Variants in TXNRD2 observed in about 807,000 individuals in gnomAD.
TXNRD2 encodes the protein thioredoxin reductase 2.
TXNRD2 carries 67 observed loss-of-function variants against 70.8 expected under a neutral mutation model. That is an observed-to-expected ratio of 0.95 (90% confidence interval 0.78 to 1.16). The LOEUF (loss-of-function observed/expected upper bound fraction) is 1.16, where lower values mean the gene tolerates loss of function less well. Among genes scored for constraint, TXNRD2 ranks in the 50% most tolerant of loss-of-function variants. The pLI, the probability that TXNRD2 is intolerant of heterozygous loss-of-function variation, is 0.00. For synonymous variants in TXNRD2, 301 were observed against 295.8 expected, an observed-to-expected ratio of 1.02 and a Z score of -0.18; for missense variants, 644 against 719.9, an observed-to-expected ratio of 0.89 and a Z score of 1.21.
chr22:19,883,531 C>G (rs1168005657), intron 11 of TXNRD2, 70 bp from the exon 12 acceptor site: 1 of 1,607,278 alleles, frequency 6.2e-7, no homozygotes, highest in African/African-American at 1.3e-5. Context: ...TGTGTTTAAA[C>G]TGTTTCTCAG....
intron 8 of TXNRD2, chr22:19,911,086 CA>C (rs55813218): frequency 1.1e-3 from 434 of 386,306 alleles, no homozygotes; most frequent in East Asian, 2.3e-3. Flanking sequence ...AAAAAAAAGC[CA>C]AAAAAAAAAC....
intron 11 of TXNRD2, among the ~76,000 whole-genome samples, chr22:19,893,690 G>A (rs1939365339): frequency 6.6e-6 from 1 of 152,266 alleles, no homozygotes; most frequent in Non-Finnish European, 1.5e-5. Flanking sequence ...CAGAGAGCAA[G>A]AAGGTGAGAC....
intron 8 of TXNRD2, among the ~76,000 whole-genome samples, chr22:19,907,026 A>G (rs1336332772): frequency 5.5e-5 from 3 of 54,804 alleles, no homozygotes; most frequent in East Asian, 5.2e-4. Context: ...GCGCACCGTA[A>G]GTAGCAGTGA....
intron 8 of TXNRD2, among the ~76,000 whole-genome samples, chr22:19,901,507 G>A (rs1230558861): frequency 6.6e-6 from 1 of 152,202 alleles, no homozygotes; most frequent in Admixed American, 6.5e-5. Context: ...TTGTTGTCAT[G>A]AGCAAGGATT....
chr22:19,902,903 C>T (rs530802367), intron 8 of TXNRD2: 1 of 516,870 alleles, frequency 1.9e-6, no homozygotes, highest in South Asian at 1.4e-5. Flanking sequence ...CCCTCTTGTG[C>T]TTAGGAAGAG....
intron 8 of TXNRD2, among the ~76,000 whole-genome samples, chr22:19,904,771 C>T (rs530913702): frequency 6.6e-6 from 1 of 152,154 alleles, no homozygotes; most frequent in African/African-American, 2.4e-5. Context: ...GTGCCCACTG[C>T]AGGAGGGGCA....
chr22:19,919,050 C>G (rs1940774710), intron 3 of TXNRD2, 46 bp from the exon 4 acceptor site: 1 of 1,585,908 alleles, frequency 6.3e-7, no homozygotes, highest in Admixed American at 1.7e-5. Context: ...CAGGTGACTG[C>G]TGGAGGCTTC....
At chr22:19,881,129 C>T in intron 12 of TXNRD2, 1 of 454,658 alleles carries the variant, frequency 2.2e-6, no homozygotes, top group Non-Finnish European at 3.9e-6. Flanking sequence ...CCAAAGCGTT[C>T]CATGTGCTCC....
intron 4 of TXNRD2, 40 bp from the exon 5 acceptor site, chr22:19,918,257 G>C (rs747112181): frequency 1.3e-6 from 2 of 1,560,950 alleles, no homozygotes; most frequent in South Asian, 2.2e-5. Flanking sequence ...CCACAACACA[G>C]GTGTTAGCTG....
intron 1 of TXNRD2, among the ~76,000 whole-genome samples, chr22:19,940,416 T>C (rs1252719279): frequency 6.6e-6 from 1 of 152,158 alleles, no homozygotes; most frequent in African/African-American, 2.4e-5. Flanking sequence ...CTATTTTGCA[T>C]AGAAGGTTCA....
chr22:19,940,135 C>G (rs5992496), intron 1 of TXNRD2, among the ~76,000 whole-genome samples: 8 of 148,814 alleles, frequency 5.4e-5, no homozygotes, highest in Admixed American at 2.7e-4. Flanking sequence ...GTCCCAGCTA[C>G]TCGGGAGGCT....
chr22:19,899,495 G>A (rs1190463520), intron 8 of TXNRD2, among the ~76,000 whole-genome samples: 1 of 152,250 alleles, frequency 6.6e-6, no homozygotes, highest in Non-Finnish European at 1.5e-5. Flanking sequence ...ACCACAGAAG[G>A]CTGGGCCCTT....
chr22:19,898,431 G>A (rs1939616855), intron 9 of TXNRD2, among the ~76,000 whole-genome samples: 2 of 151,916 alleles, frequency 1.3e-5, no homozygotes, highest in African/African-American at 4.8e-5. Flanking sequence ...AGGAGTGGCT[G>A]GTTCAGGGAG....
intron 4 of TXNRD2, among the ~76,000 whole-genome samples, chr22:19,918,574 G>T (rs1241413583): frequency 6.6e-6 from 1 of 152,048 alleles, no homozygotes; most frequent in Non-Finnish European, 1.5e-5. Context: ...CCTCCCACCC[G>T]CACTCCTGGC....
At chr22:19,880,428 C>G (rs1052409017) in intron 13 of TXNRD2, among the ~76,000 whole-genome samples, 157 bp from the exon 14 acceptor site, 1 of 152,220 alleles carries the variant, frequency 6.6e-6, no homozygotes, top group Non-Finnish European at 1.5e-5. Context: ...ACGCCTGCGC[C>G]ACACTCTCAG....
chr22:19,915,029 T>A, intron 7 of TXNRD2, 185 bp downstream of exon 7: 2 of 638,920 alleles, frequency 3.1e-6, no homozygotes, highest in Non-Finnish European at 5.7e-6. Flanking sequence ...TGGAGGCCAC[T>A]GGGGACCCCA....
chr22:19,919,097 G>A, intron 3 of TXNRD2, 93 bp from the exon 4 acceptor site: 4 of 1,330,584 alleles, frequency 3.0e-6, no homozygotes, highest in Non-Finnish European at 4.2e-6. Context: ...CCTTAAAGTT[G>A]CTTTGTAACT....
At chr22:19,922,752 T>G (rs528924573) in intron 2 of TXNRD2, among the ~76,000 whole-genome samples, 12 of 152,310 alleles carry the variant, frequency 7.9e-5, no homozygotes, top group African/African-American at 9.6e-5. Flanking sequence ...AGTGGCGTGA[T>G]CTTGGCTCAC....
In TXNRD2 at chr22:19,878,353, C is replaced by G; in HGVS notation, c.1347+13G>C. The G allele has an allele frequency of 6.2e-7, 1 of 1,613,782 alleles. No homozygotes were observed. On this transcript the variant is annotated intron_variant, in intron 15 of 17. Transcript: ENST00000400521. The stretch of plus-strand genomic sequence containing the variant: ...CTCTCATCCTCAGCACCCTGGGCCA[C>G]AGGGATGCTCACCTTTACATAACAC...
Sources: gnomAD v4.1 joint callset for allele counts (sites outside exome capture counted in the v4.1 genomes callset) on GRCh38, gnomAD v4.1.1 for gene constraint, MANE v1.5 for transcripts, NCBI Gene and HGNC (gene_info 2026-07-23, HGNC 2026-07-21) for gene names.